The following GFRA1 variants were observed in gnomAD, a reference collection of about 807,000 sequenced individuals.
GFRA1 encodes the protein GDNF family receptor alpha-1.
GFRA1 carries 16 observed loss-of-function variants against 51.6 expected under a neutral mutation model. That is an observed-to-expected ratio of 0.31 (90% CI 0.21 to 0.47). The LOEUF (loss-of-function observed/expected upper bound fraction) is 0.47, where lower values mean the gene tolerates loss of function less well. Among genes scored for constraint, GFRA1 ranks in the 20% least tolerant of loss-of-function variants. The probability of loss-of-function intolerance (pLI) is 1.00; values close to 1 mark genes in which losing one functional copy is unlikely to be tolerated. For synonymous variants in GFRA1, 270 were observed against 241.3 expected (o/e 1.12, Z -1.10); for missense variants, 530 against 594.3 (o/e 0.89, Z 1.13).
At chr10:116,133,032 C>A (rs1015564412) in intron 5 of GFRA1, among the ~76,000 whole-genome samples, 10 of 152,034 alleles carry the variant, frequency 6.6e-5, no homozygotes, top group African/African-American at 2.4e-4. Context: ...CCCTCCCCTC[C>A]CCCTCTAATC....
At chr10:116,074,590 G>C (rs1179931645) in intron 9 of GFRA1, among the ~76,000 whole-genome samples, 1 of 152,202 alleles carries the variant, frequency 6.6e-6, no homozygotes, top group South Asian at 2.1e-4. Flanking sequence ...GATGCCAGTG[G>C]TGAGTGCCTC....
At chr10:116,250,429 T>G (rs182645093) in intron 4 of GFRA1, among the ~76,000 whole-genome samples, 1 of 152,216 alleles carries the variant, frequency 6.6e-6, no homozygotes, top group Non-Finnish European at 1.5e-5. Context: ...GATGATGAAC[T>G]TGGTGATCAC....
intron 5 of GFRA1, among the ~76,000 whole-genome samples, chr10:116,173,879 G>A (rs1170617966): frequency 1.4e-5 from 2 of 146,202 alleles, no homozygotes; most frequent in South Asian, 2.2e-4. Context: ...GAGTTCGATC[G>A]AGACCAGCCT....
chr10:116,205,672 CA>C (rs1196112585), intron 5 of GFRA1, among the ~76,000 whole-genome samples: 1 of 149,484 alleles, frequency 6.7e-6, no homozygotes, highest in Non-Finnish European at 1.5e-5. Flanking sequence ...ACGACTTCAA[CA>C]AAAAAATCTA....
intron 5 of GFRA1, among the ~76,000 whole-genome samples, chr10:116,134,026 G>A (rs1039350551): frequency 6.6e-6 from 1 of 152,218 alleles, no homozygotes; most frequent in Non-Finnish European, 1.5e-5. Context: ...CAGCTAACCA[G>A]TTGAAACGAT....
At chr10:116,218,309 C>G (rs544564294) in intron 4 of GFRA1, among the ~76,000 whole-genome samples, 1 of 152,170 alleles carries the variant, frequency 6.6e-6, no homozygotes, top group Non-Finnish European at 1.5e-5. Context: ...AAGCCACACT[C>G]CCTGGTAGGT....
chr10:116,081,759 C>T (rs1453451573), intron 9 of GFRA1, among the ~76,000 whole-genome samples: 1 of 152,150 alleles, frequency 6.6e-6, no homozygotes, highest in African/African-American at 2.4e-5. Context: ...ATAATGTTTT[C>T]CAAAGTGGGG....
intron 6 of GFRA1, among the ~76,000 whole-genome samples, chr10:116,119,887 C>T (rs1293063757): frequency 1.3e-5 from 2 of 152,264 alleles, no homozygotes; most frequent in Non-Finnish European, 2.9e-5. Context: ...AACAACATTA[C>T]ATTTCCTCTA....
At chr10:116,148,056 A>ATGTGTGCATGTGCGTGTGTGCATGCG (rs1555158853) in intron 5 of GFRA1, among the ~76,000 whole-genome samples, 3 of 136,424 alleles carry the variant, frequency 2.2e-5, no homozygotes, top group Non-Finnish European at 3.1e-5. Flanking sequence ...GTGTGCATGC[A>ATGTGTGCATGTGCGTGTGTGCATGCG]TGTGTGCATG....
intron 9 of GFRA1, among the ~76,000 whole-genome samples, chr10:116,073,868 C>T (rs1326930864): frequency 5.3e-5 from 8 of 152,120 alleles, no homozygotes; most frequent in East Asian, 1.9e-4. Context: ...TAAAACACCA[C>T]GGTTTGGAGA....
chr10:116,188,251 C>G (rs1589855802), intron 5 of GFRA1, among the ~76,000 whole-genome samples: 2 of 152,274 alleles, frequency 1.3e-5, no homozygotes, highest in Non-Finnish European at 2.9e-5. Context: ...CCCATGGGAT[C>G]TGAGGGTTCG....
At chr10:116,113,925 C>T (rs1246879363) in intron 6 of GFRA1, among the ~76,000 whole-genome samples, 2 of 152,196 alleles carry the variant, frequency 1.3e-5, no homozygotes, top group African/African-American at 4.8e-5. Context: ...ACCCGCACCA[C>T]CGTCACCGCC....
chr10:116,079,137 C>T (rs935066500), intron 9 of GFRA1, among the ~76,000 whole-genome samples: 1 of 152,052 alleles, frequency 6.6e-6, no homozygotes, highest in African/African-American at 2.4e-5. Context: ...AGAGGTCTCT[C>T]TCTCCTCCAT....
intron 5 of GFRA1, among the ~76,000 whole-genome samples, chr10:116,159,315 G>A (rs1317497388): frequency 6.6e-6 from 1 of 152,120 alleles, no homozygotes; most frequent in Non-Finnish European, 1.5e-5. Flanking sequence ...TCCCAAGTGT[G>A]TCCCTTGGAT....
At chr10:116,257,335 C>T (rs541736707) in intron 4 of GFRA1, among the ~76,000 whole-genome samples, 1 of 136,854 alleles carries the variant, frequency 7.3e-6, no homozygotes, top group Non-Finnish European at 1.5e-5. Flanking sequence ...CAGGGAGATG[C>T]AGCCAGCCTG....
rs749217573 is a variant in GFRA1 at position 116,093,658 on chromosome 10, G to T, written c.1015+44C>A. 1.7e-5 allele frequency: 27 copies of T among 1,586,748 alleles called. 1 individual carries two copies. Among genetic ancestry groups the T allele is most frequent in the Non-Finnish European group, 2.3e-5 (27 of 1,156,102 alleles). On this transcript the variant is annotated intron_variant, in intron 8 of 10. Coordinates refer to ENST00000355422, the MANE Select transcript of GFRA1 (RefSeq NM_005264.8). ...AGAGGTACAGCTGGAGCTCGGAGAA[G>T]AAAATGCGTTTGCTCCTTTGTTTCT... is the stretch of plus-strand genomic sequence containing the variant.
chr10:116,182,223 T>C (rs74489802), intron 5 of GFRA1, among the ~76,000 whole-genome samples: 2,600 of 152,202 alleles, frequency 0.017, 22 homozygotes, highest in Middle Eastern at 0.054. Flanking sequence ...GCAATGATGA[T>C]AGTGTTCCAT....
At chr10:116,274,535 A>G (rs576579839), upstream of GFRA1, among the ~76,000 whole-genome samples, 1 of 152,290 alleles carries the variant, frequency 6.6e-6, no homozygotes, top group African/African-American at 2.4e-5. Context: ...CCATTCAACC[A>G]CACATCAGCC....
chr10:116,242,974 C>G (rs1213882654), intron 4 of GFRA1, among the ~76,000 whole-genome samples: 1 of 152,166 alleles, frequency 6.6e-6, no homozygotes, highest in South Asian at 2.1e-4. Context: ...TTTCTCAAAT[C>G]AGCTAGAAAA....
Sources: gnomAD v4.1 joint callset for allele counts (sites outside exome capture counted in the v4.1 genomes callset) on GRCh38, gnomAD v4.1.1 for gene constraint, MANE v1.5 for transcripts, NCBI Gene and HGNC (gene_info 2026-07-23, HGNC 2026-07-21) for gene names.